Variants in RCL1 observed in about 807,000 individuals in gnomAD.
The protein encoded by RCL1 is RNA 3'-terminal phosphate cyclase-like protein.
A neutral mutation model predicts 42.4 loss-of-function variants in RCL1; 24 were observed. The ratio of observed to expected loss-of-function variants is 0.57; its 90% CI spans 0.41 to 0.80. RCL1 has a LOEUF of 0.80. RCL1 is among the 30% of genes least tolerant of loss of function. RCL1 has a pLI of 0.00. For synonymous variants in RCL1, 228 were observed against 177.3 expected (o/e 1.29, Z -2.27); for missense variants, 578 against 467.9 (o/e 1.24, Z -2.17).
At position 4,839,627 on chromosome 9, in the gene RCL1, A is replaced by G. The variant is rs73639230; in HGVS notation, c.585-1605A>G. ...TGGTCAAAAGTACATTCTGGACTGA[A>G]GAGATGGTGATGTAACTGGGCTGTG... On this transcript the variant is annotated intron_variant, in intron 5 of 8. Coordinates refer to ENST00000381750, the MANE Select transcript of RCL1 (RefSeq NM_005772.5). The G allele has an allele frequency of 5.7e-3, 5,463 of 965,018 alleles. 192 individuals are homozygous for G. The African/African-American group carries it at 0.08, about 14-fold the overall frequency. 59.8% of individuals were successfully genotyped at this position (965,018 alleles called of 1,614,324 possible).
intron 2 of RCL1, among the ~76,000 whole-genome samples, chr9:4,825,720 C>G (rs948920113): frequency 1.3e-5 from 2 of 152,084 alleles, no homozygotes; most frequent in Admixed American, 1.3e-4. Flanking sequence ...CAGTTTTTTA[C>G]ATTGATATGT....
chr9:4,835,376 G>T (rs1386391600), intron 5 of RCL1, among the ~76,000 whole-genome samples: 1 of 152,208 alleles, frequency 6.6e-6, no homozygotes, highest in Non-Finnish European at 1.5e-5. Context: ...TAGCATTGGG[G>T]TGGGGGAAAA....
At chr9:4,817,711 G>C (rs1342029441) in intron 1 of RCL1, among the ~76,000 whole-genome samples, 1 of 151,828 alleles carries the variant, frequency 6.6e-6, no homozygotes, top group Non-Finnish European at 1.5e-5. Context: ...TGCCCATGCT[G>C]GTCTTGAACA....
rs1014114101 is a variant in RCL1 at position 4,819,252 on chromosome 9, C to T, written c.137-4296C>T. The stretch of plus-strand genomic sequence containing the variant: ...GAGTCTCACACGGAGCCAGCAGCCT[C>T]GATCCCTTGCATGTGCAGTTCACAA... On this transcript the variant is annotated intron_variant, in intron 1 of 8. Coordinates refer to ENST00000381750, the MANE Select transcript of RCL1 (RefSeq NM_005772.5). Among the ~76,000 whole-genome samples, 6 of 152,182 alleles carry T rather than the reference C, an allele frequency of 3.9e-5. No individual in the cohort carries two copies. In the East Asian group the frequency reaches 7.7e-4, roughly 20 times the overall value.
intron 5 of RCL1, among the ~76,000 whole-genome samples, chr9:4,836,565 C>G (rs565119471): frequency 6.8e-6 from 1 of 147,926 alleles, no homozygotes; most frequent in Non-Finnish European, 1.5e-5. Context: ...TGTTGGAGGC[C>G]GTAGAGCAAG....
chr9:4,817,097 G>A (rs1480584990), intron 1 of RCL1, among the ~76,000 whole-genome samples: 3 of 151,898 alleles, frequency 2.0e-5, no homozygotes, highest in African/African-American at 7.3e-5. Flanking sequence ...GATTACAGGC[G>A]TGAGCCACTG....
intron 1 of RCL1, among the ~76,000 whole-genome samples, chr9:4,812,531 T>G (rs1816215971): frequency 6.6e-6 from 1 of 152,198 alleles, no homozygotes; most frequent in African/African-American, 2.4e-5. Flanking sequence ...CCTGAAAGGC[T>G]GGGATTACAA....
intron 3 of RCL1, among the ~76,000 whole-genome samples, chr9:4,830,135 C>A (rs1288155243): frequency 6.6e-6 from 1 of 152,164 alleles, no homozygotes; most frequent in South Asian, 2.1e-4. Context: ...TCACTCTTTG[C>A]CAGAGTTGAG....
chr9:4,859,988 A>G, intron 8 of RCL1, 137 bp from the exon 9 acceptor site: 2 of 570,066 alleles, frequency 3.5e-6, no homozygotes, highest in Non-Finnish European at 5.8e-6. Flanking sequence ...AGTACTATTT[A>G]ATCAGATTCG....
At chr9:4,814,899 CG>C (rs1024367227) in intron 1 of RCL1, among the ~76,000 whole-genome samples, 6 of 151,626 alleles carry the variant, frequency 4.0e-5, no homozygotes, top group East Asian at 1.9e-4. Flanking sequence ...TTTTGGTTGA[CG>C]TTTTTTTTTT....
chr9:4,857,547 C>G (rs1818002483), intron 8 of RCL1, among the ~76,000 whole-genome samples: 1 of 152,050 alleles, frequency 6.6e-6, no homozygotes, highest in African/African-American at 2.4e-5. Flanking sequence ...CGTTTTGACT[C>G]TTGTGAATAA....
At chr9:4,836,462 A>ACAAGAGATTG (rs1235313042) in intron 5 of RCL1, among the ~76,000 whole-genome samples, 1 of 152,160 alleles carries the variant, frequency 6.6e-6, no homozygotes, top group Non-Finnish European at 1.5e-5. Flanking sequence ...ACTGTGTAGG[A>ACAAGAGATTG]CAAGAGATTG....
chr9:4,840,246 T>C (rs1817269042), intron 5 of RCL1, among the ~76,000 whole-genome samples: 1 of 152,240 alleles, frequency 6.6e-6, no homozygotes, highest in South Asian at 2.1e-4. Context: ...AACATTGGGC[T>C]GGATTGGGCA....
At chr9:4,842,657 C>T (rs1390571875) in intron 6 of RCL1, among the ~76,000 whole-genome samples, 2 of 152,158 alleles carry the variant, frequency 1.3e-5, no homozygotes, top group Admixed American at 6.5e-5. Context: ...GCCATTAATA[C>T]CTTGCTTGTC....
Position 4,793,071 on chromosome 9 carries a change from G to A in RCL1, c.-21G>A, listed in dbSNP as rs747185688. Reference sequence around the variant, plus strand: ...AAGTCGCCGCTCTCGGGCTGCTCACGTCTCTTCGGAGAGCGCGCACATGGC... The same window carrying A: ...AAGTCGCCGCTCTCGGGCTGCTCACATCTCTTCGGAGAGCGCGCACATGGC... On this transcript the variant is annotated 5_prime_UTR_variant, in exon 1 of 9. Transcript: ENST00000381750. The A allele has an allele frequency of 1.6e-5, 26 of 1,604,840 alleles. No individual in the cohort carries two copies. In the Admixed American group the frequency reaches 4.4e-4, roughly 27 times the overall value.
At chr9:4,859,625 T>C in intron 8 of RCL1, among the ~76,000 whole-genome samples, 1 of 152,170 alleles carries the variant, frequency 6.6e-6, no homozygotes. Flanking sequence ...GTCATGGTGC[T>C]GTGAATCATG....
intron 1 of RCL1, among the ~76,000 whole-genome samples, chr9:4,806,587 TACACACACAC>T (rs71326137): frequency 0.015 from 2,038 of 135,756 alleles, 57 homozygotes; most frequent in African/African-American, 0.05. Context: ...CTACTTGATC[TACACACACAC>T]ACACACACAC....
chr9:4,824,300 A>G (rs1001013363), intron 2 of RCL1, among the ~76,000 whole-genome samples: 5 of 150,586 alleles, frequency 3.3e-5, no homozygotes, highest in Non-Finnish European at 5.9e-5. Context: ...CTGTCACAGC[A>G]TTTGCTTACA....
chr9:4,825,168 C>A (rs1486064377), intron 2 of RCL1, among the ~76,000 whole-genome samples: 1 of 151,966 alleles, frequency 6.6e-6, no homozygotes. Context: ...CAGGCATGAG[C>A]CACAGTGCGT....
Sources: allele counts gnomAD v4.1 joint callset (sites outside exome capture counted in the v4.1 genomes callset), GRCh38; gene constraint gnomAD v4.1.1; transcripts MANE v1.5; gene names NCBI Gene and HGNC (gene_info 2026-07-23, HGNC 2026-07-21).